EYS: variants seen among roughly 807,000 people sequenced by gnomAD.
The protein encoded by EYS is EGF-like photoreceptor maintenance factor, also known as protein eyes shut homolog.
A neutral mutation model predicts 282.1 loss-of-function variants in EYS; 250 were observed. The observed-to-expected ratio is 0.89, with a 90% CI of 0.80 to 0.98. The LOEUF (loss-of-function observed/expected upper bound fraction) is 0.98, where lower values mean the gene tolerates loss of function less well. Ranked by LOEUF, EYS falls within the 50% of genes least tolerant of loss-of-function variation. The pLI, the probability that EYS is intolerant of heterozygous loss-of-function variation, is 0.00. For missense variants in EYS, 4,016 were observed against 3,709.0 expected (o/e 1.08, Z -2.15); for synonymous variants, 1,355 against 1,282.9 (o/e 1.06, Z -1.20).
At chr6:65,157,600 T>C (rs72881744) in intron 12 of EYS, among the ~76,000 whole-genome samples, 1 of 150,430 alleles carries the variant, frequency 6.6e-6, no homozygotes, top group South Asian at 2.1e-4. Flanking sequence ...AAAAGTAGAA[T>C]TTTTAGATAA....
chr6:64,738,588 C>G (rs1393300641), intron 22 of EYS, among the ~76,000 whole-genome samples: 1 of 151,858 alleles, frequency 6.6e-6, no homozygotes, highest in African/African-American at 2.4e-5. Context: ...AGTTAAAGGC[C>G]CTTATATTTG....
intron 12 of EYS, among the ~76,000 whole-genome samples, chr6:65,115,562 C>CTT (rs1775343901): frequency 6.6e-6 from 1 of 152,054 alleles, no homozygotes; most frequent in African/African-American, 2.4e-5. Flanking sequence ...TTATATATTA[C>CTT]ATCTTATCTT....
intron 14 of EYS, among the ~76,000 whole-genome samples, chr6:64,962,361 C>G (rs1769950469): frequency 6.6e-6 from 1 of 151,896 alleles, no homozygotes; most frequent in South Asian, 2.1e-4. Context: ...CTATGTATCT[C>G]TTTATCTCTC....
intron 12 of EYS, among the ~76,000 whole-genome samples, chr6:65,214,019 C>T (rs1331163565): frequency 6.6e-6 from 1 of 151,596 alleles, no homozygotes; most frequent in Non-Finnish European, 1.5e-5. Flanking sequence ...ATTAGCTGGG[C>T]ATGGTGGCGG....
chr6:65,354,556 C>T (rs1432252329), intron 8 of EYS, among the ~76,000 whole-genome samples: 2 of 152,130 alleles, frequency 1.3e-5, no homozygotes, highest in Non-Finnish European at 2.9e-5. Context: ...TGCCTCATGC[C>T]TGTAATCCTA....
chr6:64,321,415 T>C (rs1770216022), intron 29 of EYS, among the ~76,000 whole-genome samples: 1 of 151,808 alleles, frequency 6.6e-6, no homozygotes, highest in African/African-American at 2.4e-5. Flanking sequence ...TGAAAGCTAA[T>C]AAATAATATA....
chr6:64,726,591 AAAG>A (rs1771766105), intron 22 of EYS, among the ~76,000 whole-genome samples: 1 of 152,152 alleles, frequency 6.6e-6, no homozygotes. Flanking sequence ...ATGCTCTTGT[AAAG>A]AACACTTTTA....
chr6:64,009,242 C>T (rs77171926), intron 33 of EYS, among the ~76,000 whole-genome samples: 4 of 150,878 alleles, frequency 2.7e-5, no homozygotes, highest in East Asian at 1.9e-4. Context: ...TTCTTTCCTC[C>T]GCTTGGTCAA....
chr6:64,896,337 G>T (rs555859418), intron 18 of EYS, among the ~76,000 whole-genome samples: 438 of 152,172 alleles, frequency 2.9e-3, no homozygotes, highest in African/African-American at 9.4e-3. Context: ...AGGGGTCAGG[G>T]GCCTCCCTCC....
In EYS at chr6:65,495,430, A is replaced by C. The variant is rs1766223067; in HGVS notation, c.-20T>G. The C allele has an allele frequency of 6.2e-7, 1 of 1,604,636 alleles. No homozygotes were observed. The highest frequency in any genetic ancestry group is 1.1e-5 in the South Asian group (1 of 91,068). On this transcript the variant is annotated 5_prime_UTR_variant, in exon 4 of 43. Coordinates refer to ENST00000503581, the MANE Select transcript of EYS (RefSeq NM_001142800.2). Reference sequence around the variant, plus strand: ...AGTCATTTTCGGGTAGCTGTATTTTACAGTTTATCATAAAGAATTGCTGCA... The same window carrying C: ...AGTCATTTTCGGGTAGCTGTATTTTCCAGTTTATCATAAAGAATTGCTGCA...
chr6:64,339,247 T>C (rs1474340858), intron 29 of EYS, among the ~76,000 whole-genome samples: 2 of 151,742 alleles, frequency 1.3e-5, no homozygotes, highest in Non-Finnish European at 2.9e-5. Context: ...AAAGGACTAA[T>C]ATCCAGAATC....
At chr6:65,057,939 C>CTTACTAATTACTAAGAGAATT (rs1336238401) in intron 12 of EYS, among the ~76,000 whole-genome samples, 2 of 152,046 alleles carry the variant, frequency 1.3e-5, no homozygotes, top group Non-Finnish European at 2.9e-5. Context: ...ACTAAAAGGA[C>CTTACTAATTACTAAGAGAATT]ACTAATCTCT....
intron 33 of EYS, among the ~76,000 whole-genome samples, chr6:64,047,394 CAG>C (rs1281574375): frequency 6.6e-6 from 1 of 152,082 alleles, no homozygotes; most frequent in Non-Finnish European, 1.5e-5. Context: ...AAAAGTGTGA[CAG>C]AATCTACAAA....
intron 1 of EYS, among the ~76,000 whole-genome samples, chr6:65,696,712 T>G (rs576233846): frequency 6.6e-6 from 1 of 152,142 alleles, no homozygotes; most frequent in African/African-American, 2.4e-5. Flanking sequence ...ATCCTAAAAA[T>G]GAAATGCTAT....
intron 36 of EYS, among the ~76,000 whole-genome samples, chr6:63,854,586 G>T (rs1347437929): frequency 6.6e-6 from 1 of 152,092 alleles, no homozygotes; most frequent in Non-Finnish European, 1.5e-5. Context: ...AAACCTGCAT[G>T]TTCTGCACAT....
At chr6:65,051,114 G>C (rs7738531) in intron 13 of EYS, among the ~76,000 whole-genome samples, 4,247 of 151,562 alleles carry the variant, frequency 0.028, 186 homozygotes, top group African/African-American at 0.097. Context: ...TTCTTATTAA[G>C]TACTTACTTT....
intron 19 of EYS, among the ~76,000 whole-genome samples, chr6:64,849,282 A>G (rs1765810543): frequency 6.6e-6 from 1 of 151,694 alleles, no homozygotes; most frequent in South Asian, 2.1e-4. Context: ...AATTTTTAAA[A>G]TCTCTGAGAT....
At chr6:64,705,641 G>A (rs1277720280) in intron 22 of EYS, among the ~76,000 whole-genome samples, 1 of 151,618 alleles carries the variant, frequency 6.6e-6, no homozygotes, top group African/African-American at 2.4e-5. Flanking sequence ...GGAATACTAT[G>A]CAGCCATAAA....
chr6:65,473,041 C>T (rs1341929744), intron 5 of EYS, among the ~76,000 whole-genome samples: 2 of 151,710 alleles, frequency 1.3e-5, no homozygotes, highest in Admixed American at 1.3e-4. Context: ...GGTTCTTAGA[C>T]ATTAAAAAAT....
Sources: gnomAD v4.1 joint callset for allele counts (sites outside exome capture counted in the v4.1 genomes callset) on GRCh38, gnomAD v4.1.1 for gene constraint, MANE v1.5 for transcripts, NCBI Gene and HGNC (gene_info 2026-07-23, HGNC 2026-07-21) for gene names.